LOC122539214: variants seen among roughly 807,000 people sequenced by gnomAD.
the LOC122539214 span, among the ~76,000 whole-genome samples, chr19:52,672,502 T>C: frequency 6.6e-6 from 1 of 152,180 alleles, no homozygotes; most frequent in Admixed American, 6.5e-5. Context: ...AATCCGAGCA[T>C]GATGGGAGGC....
chr19:52,673,519 C>CAA, the LOC122539214 span, among the ~76,000 whole-genome samples: 1 of 151,724 alleles, frequency 6.6e-6, no homozygotes, highest in African/African-American at 2.4e-5. Context: ...CACACACACA[C>CAA]AAAATGCTAT....
At chr19:52,680,014 T>C in the LOC122539214 span, among the ~76,000 whole-genome samples, 1 of 152,086 alleles carries the variant, frequency 6.6e-6, no homozygotes, top group Non-Finnish European at 1.5e-5. Flanking sequence ...GTCCTGTCGC[T>C]ACTAAAAATA....
the LOC122539214 span, chr19:52,655,397 C>A: frequency 4.3e-6 from 3 of 694,060 alleles, no homozygotes; most frequent in Non-Finnish European, 4.8e-6. Context: ...AGGATAGTCT[C>A]TAAGAAGCTG....
At chr19:52,671,131 A>G in the LOC122539214 span, among the ~76,000 whole-genome samples, 135 of 152,318 alleles carry the variant, frequency 8.9e-4, no homozygotes, top group African/African-American at 3.1e-3. Flanking sequence ...ACCATTTCAA[A>G]ATATGGCACA....
At chr19:52,686,053 T>A in the LOC122539214 span, among the ~76,000 whole-genome samples, 51 of 152,010 alleles carry the variant, frequency 3.4e-4, no homozygotes, top group African/African-American at 1.2e-3. Context: ...TTTTAACAAA[T>A]GACATAAGGA....
At chr19:52,690,231 T>C in the LOC122539214 span, among the ~76,000 whole-genome samples, 1 of 149,832 alleles carries the variant, frequency 6.7e-6, no homozygotes, top group African/African-American at 2.5e-5. Flanking sequence ...AGTGTATACA[T>C]TGCCCTAGAG....
At chr19:52,666,217 CAGAG>C in the LOC122539214 span, among the ~76,000 whole-genome samples, 2 of 146,766 alleles carry the variant, frequency 1.4e-5, no homozygotes, top group African/African-American at 2.5e-5. Context: ...GAGAAAGAGA[CAGAG>C]AGACAAAAAG....
At chr19:52,657,846 TA>T in the LOC122539214 span, among the ~76,000 whole-genome samples, 23 of 139,114 alleles carry the variant, frequency 1.7e-4, no homozygotes, top group South Asian at 2.3e-4. Flanking sequence ...AAACTCTGTC[TA>T]AAAAAAAAAA....
At chr19:52,688,478 T>C in the LOC122539214 span, among the ~76,000 whole-genome samples, 1 of 152,010 alleles carries the variant, frequency 6.6e-6, no homozygotes, top group African/African-American at 2.4e-5. Context: ...CCAGCCTCTC[T>C]TTCTTCATTA....
chr19:52,681,982 G>A, the LOC122539214 span, among the ~76,000 whole-genome samples: 1 of 152,048 alleles, frequency 6.6e-6, no homozygotes, highest in Non-Finnish European at 1.5e-5. Flanking sequence ...CAAGTAGCTG[G>A]GATTACAGGC....
At chr19:52,687,559 T>A in the LOC122539214 span, among the ~76,000 whole-genome samples, 1 of 42,108 alleles carries the variant, frequency 2.4e-5, no homozygotes, top group Non-Finnish European at 4.4e-5. Flanking sequence ...TATGTGTAAA[T>A]TTTATATATA....
chr19:52,655,246 T>C, the LOC122539214 span: 1 of 286,314 alleles, frequency 3.5e-6, no homozygotes. Context: ...GTCACTGTCA[T>C]GCTTTCTAGC....
chr19:52,680,167 G>A, the LOC122539214 span, among the ~76,000 whole-genome samples: 3 of 152,094 alleles, frequency 2.0e-5, no homozygotes, highest in African/African-American at 4.8e-5. Context: ...CAACAAGAGG[G>A]AAACTGTCTC....
At chr19:52,655,149 T>C in the LOC122539214 span, 2 of 174,064 alleles carry the variant, frequency 1.1e-5, no homozygotes, top group African/African-American at 4.8e-5. Context: ...ATCACAACAG[T>C]GCACTCCAGC....
At chr19:52,680,603 A>ATTTTTTTTT in the LOC122539214 span, among the ~76,000 whole-genome samples, 2 of 101,640 alleles carry the variant, frequency 2.0e-5, no homozygotes. Context: ...TTTTCCACAA[A>ATTTTTTTTT]ATATTTTTTT....
the LOC122539214 span, among the ~76,000 whole-genome samples, chr19:52,662,807 C>A: frequency 2.0e-5 from 3 of 151,942 alleles, no homozygotes; most frequent in African/African-American, 7.3e-5. Context: ...GAAGGAGGTG[C>A]GGCTCATTCC....
At chr19:52,661,052 A>T in the LOC122539214 span, among the ~76,000 whole-genome samples, 2 of 151,966 alleles carry the variant, frequency 1.3e-5, no homozygotes, top group African/African-American at 4.8e-5. Context: ...TTTAGTAGAC[A>T]TGGGGTTTCA....
the LOC122539214 span, among the ~76,000 whole-genome samples, chr19:52,687,633 G>GTATATATATATATATATATATATAATA: frequency 3.6e-5 from 1 of 27,846 alleles, no homozygotes; most frequent in Non-Finnish European, 5.6e-5. Context: ...TATATATAAT[G>GTATATATATATATATATATATATAATA]TATATATATA....
At chr19:52,655,507 G>A in the LOC122539214 span, 1 of 1,404,784 alleles carries the variant, frequency 7.1e-7, no homozygotes, top group South Asian at 1.2e-5. Flanking sequence ...AAACCAGGAA[G>A]AGCCAAGATA....
Sources: allele counts gnomAD v4.1 joint callset (sites outside exome capture counted in the v4.1 genomes callset), GRCh38; gene constraint gnomAD v4.1.1; transcripts MANE v1.5.